Variants in CYB5A observed in about 807,000 individuals in gnomAD.
CYB5A encodes the protein cytochrome b5 type A.
Under a neutral mutation model 16.2 loss-of-function variants are expected in CYB5A, and 10 were observed. That is an observed-to-expected ratio of 0.62 (90% CI 0.38 to 1.04). CYB5A has a LOEUF of 1.04. CYB5A is among the 50% of genes least tolerant of loss of function. The pLI is 0.01. For missense variants in CYB5A, 161 were observed against 165.9 expected (o/e 0.97, Z 0.16); for synonymous variants, 62 against 57.0 (o/e 1.09, Z -0.40).
chr18:74,254,681 G>A (rs978780469), intron 4 of CYB5A, among the ~76,000 whole-genome samples: 13 of 151,466 alleles, frequency 8.6e-5, no homozygotes, highest in East Asian at 2.0e-4. Flanking sequence ...CACCATGCCC[G>A]GCTAATTTTT....
chr18:74,284,231 TC>T (rs571843700), intron 1 of CYB5A, among the ~76,000 whole-genome samples: 4,915 of 57,660 alleles, frequency 0.085, 434 homozygotes, highest in African/African-American at 0.28. Context: ...AAACTCCATC[TC>T]CAAAAAAAAA....
intron 1 of CYB5A, among the ~76,000 whole-genome samples, chr18:74,269,593 C>A (rs146517565): frequency 2.0e-5 from 3 of 152,206 alleles, no homozygotes; most frequent in African/African-American, 4.8e-5. Context: ...ACTTTCCCCC[C>A]CAAAATACAC....
At chr18:74,260,892 A>G in intron 3 of CYB5A, 23 bp downstream of exon 3, 1 of 1,604,172 alleles carries the variant, frequency 6.2e-7, no homozygotes, top group Non-Finnish European at 8.5e-7. Flanking sequence ...ACATCCAGAG[A>G]TACTTGAGAT....
chr18:74,286,920 T>C (rs901169407), intron 1 of CYB5A, among the ~76,000 whole-genome samples: 2 of 152,244 alleles, frequency 1.3e-5, no homozygotes, highest in African/African-American at 4.8e-5. Flanking sequence ...GCTGTTTCTT[T>C]ACTGTTTTCT....
At position 74,253,406 on chromosome 18, in the gene CYB5A, T is replaced by C. The variant is rs925928368; in HGVS notation, c.*178A>G. 11 of 536,582 alleles carry C rather than the reference T, an allele frequency of 2.1e-5. No individual in the cohort carries two copies. The highest frequency in any genetic ancestry group is 5.2e-4 in the Middle Eastern group (1 of 1,926). 33.2% of individuals were successfully genotyped at this position (536,582 alleles called of 1,614,324 possible). On this transcript the variant is annotated 3_prime_UTR_variant, in exon 5 of 5. Coordinates refer to ENST00000340533, the MANE Select transcript of CYB5A (RefSeq NM_148923.4). The stretch of plus-strand genomic sequence containing the variant: ...GAATAAAAAGGCACACTCGAAAAAT[T>C]TGAGCGCAGAAAGGACAGTTCTTTT...
At chr18:74,273,203 G>T (rs1982738687) in intron 1 of CYB5A, among the ~76,000 whole-genome samples, 1 of 152,340 alleles carries the variant, frequency 6.6e-6, no homozygotes, top group South Asian at 2.1e-4. Context: ...TAGGAAGACA[G>T]TCAAGGGAAG....
At position 74,281,743 on chromosome 18, in the gene CYB5A, C is replaced by CTGTGTGTGTGTGTGTGTGTGTGTGTG. The variant is rs112934460; in HGVS notation, c.129+10003_129+10004insCACACACACACACACACACACACACA. Among the ~76,000 whole-genome samples, 489 of 138,810 alleles carry CTGTGTGTGTGTGTGTGTGTGTGTGTG rather than the reference C, an allele frequency of 3.5e-3. 7 individuals are homozygous for CTGTGTGTGTGTGTGTGTGTGTGTGTG. The highest frequency in any genetic ancestry group is 7.6e-3 in the African/African-American group (263 of 34,736). The allele number at this position is 138,810 out of a possible 152,430, so 91.1% of individuals were successfully genotyped here. On this transcript the variant is annotated intron_variant, in intron 1 of 4. Coordinates refer to ENST00000340533, the MANE Select transcript of CYB5A (RefSeq NM_148923.4). ...GAGGGGGCAGAAGAGTCAAGGGAGGCTGTGTGTGTGTGTGTGTGTGTGTGT... is the reference window on the plus strand; with the variant it reads ...GAGGGGGCAGAAGAGTCAAGGGAGGCTGTGTGTGTGTGTGTGTGTGTGTGTGTGTGTGTGTGTGTGTGTGTGTGTGT...
Position 74,253,542 on chromosome 18 carries a change from G to A in CYB5A, c.*42C>T. 7.5e-7 allele frequency: 1 copy of A among 1,340,114 alleles called. No homozygotes were observed. Among genetic ancestry groups the A allele is most frequent in the Non-Finnish European group, 1.1e-6 (1 of 933,304 alleles). 83.0% of individuals were successfully genotyped at this position (1,340,114 alleles called of 1,614,324 possible). On this transcript the variant is annotated 3_prime_UTR_variant, in exon 5 of 5. Coordinates refer to ENST00000340533, the MANE Select transcript of CYB5A (RefSeq NM_148923.4). ...TTAGCAATGGCTTCTTTTCTCCCGT[G>A]TCCAAAGCAGGCTCTTCCTGCGCTG... is the stretch of plus-strand genomic sequence containing the variant.
chr18:74,272,994 T>G (rs1790878), intron 1 of CYB5A, among the ~76,000 whole-genome samples: 149,825 of 152,308 alleles, frequency 0.98, 73,742 homozygotes, highest in Middle Eastern at 1. Context: ...TAAAAATCTG[T>G]TGTCTGAACC....
chr18:74,283,285 T>C (rs1983188335), intron 1 of CYB5A, among the ~76,000 whole-genome samples: 1 of 152,192 alleles, frequency 6.6e-6, no homozygotes, highest in Non-Finnish European at 1.5e-5. Context: ...GGCAGTCATT[T>C]AAGATGCCTT....
rs1464929531 is a variant in CYB5A at position 74,291,932 on chromosome 18, G to A, written c.-57C>T. 1.3e-5 allele frequency: 21 copies of A among 1,602,972 alleles called. No individual in the cohort carries two copies. The highest frequency in any genetic ancestry group is 1.7e-5 in the Non-Finnish European group (20 of 1,179,474). The stretch of plus-strand genomic sequence containing the variant: ...ACAGCCCCGTCGGGTGGAGCAGAGC[G>A]CGCGACTCAGCCAGCTCCACCCGGG... On this transcript the variant is annotated 5_prime_UTR_variant, in exon 1 of 5. Coordinates refer to ENST00000340533, the MANE Select transcript of CYB5A (RefSeq NM_148923.4).
intron 1 of CYB5A, among the ~76,000 whole-genome samples, chr18:74,281,101 A>C (rs1466203180): frequency 6.6e-6 from 1 of 152,142 alleles, no homozygotes. Context: ...AGGCCCACAG[A>C]ATGTCCTGGT....
intron 1 of CYB5A, among the ~76,000 whole-genome samples, chr18:74,288,199 G>A (rs1368222224): frequency 4.6e-5 from 7 of 152,202 alleles, no homozygotes; most frequent in South Asian, 2.1e-4. Flanking sequence ...AGCACATGCT[G>A]CACCTGTGAG....
chr18:74,279,645 C>T (rs1021475248), intron 1 of CYB5A, among the ~76,000 whole-genome samples: 1 of 149,092 alleles, frequency 6.7e-6, no homozygotes, highest in African/African-American at 2.4e-5. Context: ...GTGCCCATCT[C>T]TCTCTTTTGT....
intron 1 of CYB5A, among the ~76,000 whole-genome samples, chr18:74,268,335 G>A (rs1982529997): frequency 6.6e-6 from 1 of 152,178 alleles, no homozygotes; most frequent in Non-Finnish European, 1.5e-5. Flanking sequence ...AGGGCCAAGA[G>A]GTGTCTGGGG....
At chr18:74,268,011 G>A (rs184503997) in intron 1 of CYB5A, among the ~76,000 whole-genome samples, 443 of 152,328 alleles carry the variant, frequency 2.9e-3, no homozygotes, top group African/African-American at 5.2e-3. Context: ...ACGGTCTTCC[G>A]TCTTTCCAGA....
At chr18:74,290,116 G>A (rs1407285152) in intron 1 of CYB5A, among the ~76,000 whole-genome samples, 3 of 152,302 alleles carry the variant, frequency 2.0e-5, no homozygotes, top group Middle Eastern at 3.4e-3. Flanking sequence ...GCAGGAGGGA[G>A]AGGACAGGTC....
chr18:74,273,795 G>T (rs946276041), intron 1 of CYB5A, among the ~76,000 whole-genome samples: 1 of 152,202 alleles, frequency 6.6e-6, no homozygotes, highest in African/African-American at 2.4e-5. Flanking sequence ...GATCACAACA[G>T]GCTTCCTTCC....
At chr18:74,268,135 G>A (rs1301840691) in intron 1 of CYB5A, among the ~76,000 whole-genome samples, 4 of 152,248 alleles carry the variant, frequency 2.6e-5, no homozygotes, top group Non-Finnish European at 5.9e-5. Flanking sequence ...GACGGCTCCC[G>A]CCTCGGGGAG....
Sources: allele counts gnomAD v4.1 joint callset (sites outside exome capture counted in the v4.1 genomes callset), GRCh38; gene constraint gnomAD v4.1.1; transcripts MANE v1.5; gene names NCBI Gene and HGNC (gene_info 2026-07-23, HGNC 2026-07-21).